MYO1D: variants seen among roughly 807,000 people sequenced by gnomAD.
The protein encoded by MYO1D is myosin ID.
In MYO1D, 83 loss-of-function variants were observed where a neutral mutation model predicts 122.0. That is an observed-to-expected ratio of 0.68 (90% CI 0.57 to 0.82). The LOEUF (loss-of-function observed/expected upper bound fraction) is 0.82, where lower values mean the gene tolerates loss of function less well. MYO1D is among the 40% of genes least tolerant of loss of function. MYO1D has a pLI of 0.00. For synonymous variants in MYO1D, 464 were observed against 446.9 expected, an observed-to-expected ratio of 1.04 and a Z score of -0.48; for missense variants, 1,157 against 1,269.5, an observed-to-expected ratio of 0.91 and a Z score of 1.35.
chr17:32,571,006 A>AG (rs11425098), intron 21 of MYO1D, among the ~76,000 whole-genome samples: 63,975 of 151,934 alleles, frequency 0.42, 14,233 homozygotes, highest in African/African-American at 0.56. Context: ...CATGAGGAAA[A>AG]GTGCTGGAGG....
Position 32,876,807 on chromosome 17 carries a change from C to A in MYO1D, c.66G>T (p.Met22Ile), listed in dbSNP as rs866838294. 2.6e-6 allele frequency: 4 copies of A among 1,524,914 alleles called. No homozygotes were observed. Among genetic ancestry groups the A allele is most frequent in the East Asian group, 2.8e-5 (1 of 35,926 alleles). 94.5% of individuals were successfully genotyped at this position (1,524,914 alleles called of 1,614,324 possible). The change falls in exon 1 of 22, where the codon ATG (methionine) becomes ATT (isoleucine). Residue 22 changes from methionine (M) to isoleucine (I), a missense_variant. Physicochemically the swap from Met to Ile is conservative, Grantham distance 10. Transcript: ENST00000318217. The stretch of plus-strand genomic sequence containing the variant: ...GCCTGAGGTTGGCCATGAACTCGGG[C>A]ATGGAGACGGTGTCCATCAGCACGA... ...ADFVLMDTVS[M>I]PEFMANLRLR...
chr17:32,760,427 A>G (rs759962634), intron 9 of MYO1D, 23 bp from the exon 10 acceptor site: 26 of 1,603,996 alleles, frequency 1.6e-5, no homozygotes, highest in Non-Finnish European at 2.2e-5. Flanking sequence ...GAATAAATTA[A>G]GTTTCAACAA....
intron 21 of MYO1D, among the ~76,000 whole-genome samples, chr17:32,557,933 C>T (rs568589658): frequency 1.3e-5 from 2 of 151,730 alleles, no homozygotes; most frequent in South Asian, 2.1e-4. Context: ...AAACTGTGGA[C>T]GTAAATGAAT....
intron 5 of MYO1D, 35 bp downstream of exon 5, chr17:32,772,754 C>T: frequency 6.6e-7 from 1 of 1,523,050 alleles, no homozygotes; most frequent in South Asian, 1.1e-5. Flanking sequence ...CACAACTGGG[C>T]AAATGATCAA....
At chr17:32,709,472 A>T (rs2089349055) in intron 16 of MYO1D, among the ~76,000 whole-genome samples, 1 of 152,202 alleles carries the variant, frequency 6.6e-6, no homozygotes, top group Admixed American at 6.5e-5. Flanking sequence ...AAGACAGAGA[A>T]GAACAGATAC....
chr17:32,745,057 T>A (rs1395141227), intron 13 of MYO1D, among the ~76,000 whole-genome samples, 154 bp downstream of exon 13: 1 of 152,220 alleles, frequency 6.6e-6, no homozygotes, highest in African/African-American at 2.4e-5. Context: ...GATTTTATCA[T>A]CAAGTTAGTT....
chr17:32,646,094 T>C (rs2088289862), intron 19 of MYO1D, among the ~76,000 whole-genome samples: 1 of 152,224 alleles, frequency 6.6e-6, no homozygotes, highest in African/African-American at 2.4e-5. Context: ...GTGGAAGTCC[T>C]TTCTGTTTGT....
intron 4 of MYO1D, 124 bp downstream of exon 4, chr17:32,775,740 G>A: frequency 1.2e-6 from 1 of 841,164 alleles, no homozygotes; most frequent in Non-Finnish European, 1.8e-6. Context: ...ATCATAAAAA[G>A]CTAATGAAGA....
chr17:32,874,465 C>G (rs1366910690), intron 1 of MYO1D, among the ~76,000 whole-genome samples: 2 of 152,180 alleles, frequency 1.3e-5, no homozygotes, highest in Non-Finnish European at 2.9e-5. Flanking sequence ...GTCTCAGCCT[C>G]CTGATGTTGT....
At chr17:32,521,436 T>C (rs1258765134) in intron 21 of MYO1D, among the ~76,000 whole-genome samples, 1 of 152,144 alleles carries the variant, frequency 6.6e-6, no homozygotes, top group African/African-American at 2.4e-5. Flanking sequence ...AGGAACAAAC[T>C]GAAAAGAACA....
chr17:32,755,399 TC>T, intron 11 of MYO1D, 92 bp downstream of exon 11: 1 of 1,307,772 alleles, frequency 7.6e-7, no homozygotes, highest in Non-Finnish European at 1.1e-6. Context: ...AAGGGGACAT[TC>T]TTTTATCCCA....
intron 21 of MYO1D, among the ~76,000 whole-genome samples, chr17:32,603,939 T>C (rs1020437693): frequency 6.6e-6 from 1 of 152,158 alleles, no homozygotes; most frequent in Non-Finnish European, 1.5e-5. Flanking sequence ...TCTTATTTTT[T>C]CCCCACAAAT....
At chr17:32,784,996 T>G (rs899286732) in intron 1 of MYO1D, among the ~76,000 whole-genome samples, 3 of 152,246 alleles carry the variant, frequency 2.0e-5, no homozygotes, top group South Asian at 2.1e-4. Context: ...TTGATGTGAC[T>G]GGAAACAAGG....
intron 21 of MYO1D, among the ~76,000 whole-genome samples, chr17:32,595,857 T>C (rs1165499744): frequency 2.0e-5 from 3 of 152,076 alleles, no homozygotes; most frequent in Admixed American, 2.0e-4. Context: ...TTAGGGGGGT[T>C]TGGGGACAGG....
intron 16 of MYO1D, among the ~76,000 whole-genome samples, chr17:32,711,025 T>C (rs770460496): frequency 6.6e-6 from 1 of 152,178 alleles, no homozygotes; most frequent in Non-Finnish European, 1.5e-5. Flanking sequence ...GGTATACACA[T>C]GCCCTATGAC....
chr17:32,822,496 T>G (rs1426525211), intron 1 of MYO1D, among the ~76,000 whole-genome samples: 1 of 143,652 alleles, frequency 7.0e-6, no homozygotes, highest in Non-Finnish European at 1.6e-5. Flanking sequence ...GCGTCCCCGG[T>G]CGGCGCGCCG....
At chr17:32,576,360 A>G (rs555027995) in intron 21 of MYO1D, among the ~76,000 whole-genome samples, 1 of 152,334 alleles carries the variant, frequency 6.6e-6, no homozygotes, top group East Asian at 1.9e-4. Context: ...CATTAGAATC[A>G]ACTACCAAGG....
chr17:32,789,810 G>A (rs1311663656), intron 1 of MYO1D, among the ~76,000 whole-genome samples: 1 of 152,158 alleles, frequency 6.6e-6, no homozygotes, highest in Non-Finnish European at 1.5e-5. Context: ...CAGCAGCTAG[G>A]AAGAGTCCAG....
chr17:32,509,751 G>A (rs1909623011), intron 21 of MYO1D, among the ~76,000 whole-genome samples: 1 of 152,040 alleles, frequency 6.6e-6, no homozygotes, highest in Admixed American at 6.5e-5. Flanking sequence ...ACCACACCCA[G>A]CTAATTTTTG....
Sources: allele counts gnomAD v4.1 joint callset (sites outside exome capture counted in the v4.1 genomes callset), GRCh38; gene constraint gnomAD v4.1.1; transcripts MANE v1.5; gene names NCBI Gene and HGNC (gene_info 2026-07-23, HGNC 2026-07-21).